The following RBFOX1 variants were observed in gnomAD, a reference collection of about 807,000 sequenced individuals.
The protein encoded by RBFOX1 is RNA binding protein fox-1 homolog 1.
A neutral mutation model predicts 57.7 loss-of-function variants in RBFOX1; 8 were observed. That is an observed-to-expected ratio of 0.14 (90% CI 0.08 to 0.25). The LOEUF (loss-of-function observed/expected upper bound fraction) is 0.25. Among genes scored for constraint, RBFOX1 ranks in the 10% least tolerant of loss-of-function variants. RBFOX1 has a pLI of 1.00. For missense variants in RBFOX1, 611 were observed against 548.5 expected (o/e 1.11, Z -1.14); for synonymous variants, 326 against 222.4 (o/e 1.47, Z -4.15).
chr16:6,256,183 A>ATATATGTATATATG (rs1567787895), intron 1 of RBFOX1, among the ~76,000 whole-genome samples: 3 of 41,600 alleles, frequency 7.2e-5, no homozygotes, highest in Non-Finnish European at 1.4e-4. Flanking sequence ...ATATATATAT[A>ATATATGTATATATG]TACGTATATA....
intron 4 of RBFOX1, among the ~76,000 whole-genome samples, chr16:7,482,232 A>G (rs976172991): frequency 1.3e-5 from 2 of 152,216 alleles, no homozygotes; most frequent in Non-Finnish European, 2.9e-5. Flanking sequence ...GGTGCATTGC[A>G]TTGTAAGAGC....
At chr16:6,421,147 G>T (rs2093761002) in intron 2 of RBFOX1, among the ~76,000 whole-genome samples, 1 of 152,158 alleles carries the variant, frequency 6.6e-6, no homozygotes, top group Non-Finnish European at 1.5e-5. Flanking sequence ...AACAAGAGAG[G>T]CCCAGAGGCT....
chr16:5,266,647 A>G (rs1449155858), intron 1 of RBFOX1, among the ~76,000 whole-genome samples: 1 of 149,044 alleles, frequency 6.7e-6, no homozygotes, highest in Non-Finnish European at 1.5e-5. Context: ...TCCTGGGCTC[A>G]AGGAGTCCTC....
intron 3 of RBFOX1, among the ~76,000 whole-genome samples, chr16:6,849,993 A>G (rs1450984128): frequency 6.6e-6 from 1 of 152,228 alleles, no homozygotes; most frequent in Non-Finnish European, 1.5e-5. Context: ...ATTTTGGTAG[A>G]TGAACAAAAG....
In RBFOX1 at chr16:5,986,248, G is replaced by T. The variant is rs141518607; in HGVS notation, c.351+118913G>T. ...CTGGCTAATTTTTGTATTGTTAGTA[G>T]AGATGGGGTTTCACCAAGTTGCTCA... On this transcript the variant is annotated intron_variant, in intron 4 of 19. Transcript: ENST00000641259. 3.0e-4 allele frequency among the ~76,000 whole-genome samples: 46 copies of T among 152,184 alleles called. 1 individual carries two copies. The highest frequency in any genetic ancestry group is 1.0e-3 in the African/African-American group (42 of 41,542).
At chr16:7,159,487 G>A (rs764112769) in intron 4 of RBFOX1, among the ~76,000 whole-genome samples, 9 of 152,198 alleles carry the variant, frequency 5.9e-5, no homozygotes, top group Non-Finnish European at 4.4e-5. Context: ...TCACTAAGGG[G>A]ACTAGTGATA....
chr16:6,996,365 ATGTG>A (rs369542360), intron 3 of RBFOX1, among the ~76,000 whole-genome samples: 2 of 151,834 alleles, frequency 1.3e-5, no homozygotes, highest in African/African-American at 4.8e-5. Flanking sequence ...GGTTTTGTGC[ATGTG>A]TGTGTGTGCA....
chr16:7,301,700 C>G (rs1046691203), intron 4 of RBFOX1, among the ~76,000 whole-genome samples: 2 of 152,062 alleles, frequency 1.3e-5, no homozygotes, highest in African/African-American at 4.8e-5. Flanking sequence ...AAAAAATTCT[C>G]TCCTCTTCTT....
At chr16:7,651,758 C>T (rs541846238) in intron 11 of RBFOX1, among the ~76,000 whole-genome samples, 2 of 152,220 alleles carry the variant, frequency 1.3e-5, no homozygotes, top group Non-Finnish European at 2.9e-5. Context: ...GCTGGGTTAA[C>T]TAAGAGCATT....
chr16:5,774,830 G>C (rs777760779), intron 3 of RBFOX1, among the ~76,000 whole-genome samples: 16 of 152,048 alleles, frequency 1.1e-4, no homozygotes, highest in Non-Finnish European at 2.2e-4. Flanking sequence ...TTGCAGGCAC[G>C]TGCCACCACA....
chr16:7,311,774 T>G (rs970193064), intron 4 of RBFOX1, among the ~76,000 whole-genome samples: 8 of 152,156 alleles, frequency 5.3e-5, no homozygotes, highest in African/African-American at 1.9e-4. Flanking sequence ...TTAGAGCCAG[T>G]TGGTATCATG....
intron 1 of RBFOX1, among the ~76,000 whole-genome samples, chr16:5,361,715 A>C (rs1016019594): frequency 2.6e-5 from 4 of 152,182 alleles, no homozygotes; most frequent in Non-Finnish European, 5.9e-5. Flanking sequence ...AATTCCAGGT[A>C]CCTGCAAGGC....
chr16:6,667,269 A>G (rs2098738843), intron 3 of RBFOX1, among the ~76,000 whole-genome samples: 1 of 152,160 alleles, frequency 6.6e-6, no homozygotes, highest in Admixed American at 6.5e-5. Context: ...GGTAACCCAG[A>G]GAGTGTAATG....
intron 1 of RBFOX1, among the ~76,000 whole-genome samples, chr16:5,360,703 G>C (rs1216362394): frequency 6.6e-6 from 1 of 152,206 alleles, no homozygotes; most frequent in Non-Finnish European, 1.5e-5. Flanking sequence ...AGGGAAACTG[G>C]CAGGGTTGAA....
chr16:6,805,116 C>T (rs7498120), intron 3 of RBFOX1, among the ~76,000 whole-genome samples: 3 of 151,996 alleles, frequency 2.0e-5, no homozygotes, highest in African/African-American at 7.3e-5. Flanking sequence ...GCATTACTCA[C>T]AATAGCAAAG....
At chr16:5,358,284 A>G (rs1178999811) in intron 1 of RBFOX1, among the ~76,000 whole-genome samples, 1 of 151,988 alleles carries the variant, frequency 6.6e-6, no homozygotes, top group Non-Finnish European at 1.5e-5. Context: ...GTTTTATGGG[A>G]TTAGGGCCCA....
intron 4 of RBFOX1, among the ~76,000 whole-genome samples, chr16:5,987,989 A>C (rs2152316476): frequency 6.6e-6 from 1 of 152,286 alleles, no homozygotes; most frequent in South Asian, 2.1e-4. Flanking sequence ...ACAGCCAGAG[A>C]CAAGCTGCAA....
intron 2 of RBFOX1, among the ~76,000 whole-genome samples, chr16:6,478,424 TATA>T (rs1318136062): frequency 4.7e-4 from 8 of 16,852 alleles, no homozygotes; most frequent in African/African-American, 1.0e-3. Flanking sequence ...TATATATATA[TATA>T]TATTTTTTTT....
chr16:6,793,305 TA>T (rs1244064960), intron 3 of RBFOX1, among the ~76,000 whole-genome samples: 1 of 152,198 alleles, frequency 6.6e-6, no homozygotes, highest in Non-Finnish European at 1.5e-5. Context: ...ATAAAATTTT[TA>T]AAGTGAAATT....
Sources: allele counts gnomAD v4.1 joint callset (sites outside exome capture counted in the v4.1 genomes callset), GRCh38; gene constraint gnomAD v4.1.1; transcripts MANE v1.5; gene names NCBI Gene and HGNC (gene_info 2026-07-23, HGNC 2026-07-21).